PCDH11X: variants seen among roughly 807,000 people sequenced by gnomAD.
The protein encoded by PCDH11X is protocadherin-11 X-linked.
In PCDH11X, 18 loss-of-function variants were observed where a neutral mutation model predicts 53.3. That is an observed-to-expected ratio of 0.34 (90% CI 0.23 to 0.50). The LOEUF (loss-of-function observed/expected upper bound fraction) is 0.50, where lower values mean the gene tolerates loss of function less well. Ranked by LOEUF, PCDH11X falls within the 20% of genes least tolerant of loss-of-function variation. The pLI is 0.98. For synonymous variants in PCDH11X, 279 were observed against 393.3 expected, an observed-to-expected ratio of 0.71 and a Z score of 3.44; for missense variants, 570 against 1,032.4, an observed-to-expected ratio of 0.55 and a Z score of 6.14.
intron 10 of PCDH11X, among the ~76,000 whole-genome samples, chrX:92,507,484 C>T (rs1457993040): frequency 1.8e-5 from 2 of 110,782 alleles, no homozygotes; most frequent in Non-Finnish European, 3.8e-5. Context: ...CTACTGTCCT[C>T]GGTTGGGCTA....
At chrX:92,000,172 T>C (rs1225153183) in intron 6 of PCDH11X, among the ~76,000 whole-genome samples, 1 of 111,332 alleles carries the variant, frequency 9.0e-6, no homozygotes, top group Non-Finnish European at 1.9e-5. Flanking sequence ...TGAATGTTAT[T>C]ATGACTTTAG....
At chrX:92,194,339 T>C (rs1192487741) in intron 6 of PCDH11X, among the ~76,000 whole-genome samples, 1 of 111,993 alleles carries the variant, frequency 8.9e-6, no homozygotes, top group African/African-American at 3.2e-5. Flanking sequence ...AATATGAAAG[T>C]TCAGATTACC....
intron 10 of PCDH11X, among the ~76,000 whole-genome samples, chrX:92,560,387 C>A (rs1374021567): frequency 1.8e-5 from 2 of 112,356 alleles, no homozygotes; most frequent in African/African-American, 6.5e-5. Context: ...GCTGTGCTGG[C>A]TACATTGAAA....
At position 92,091,638 on chromosome X, in the gene PCDH11X, A is replaced by G. The variant is rs960735878; in HGVS notation, c.3034-109737A>G. On this transcript the variant is annotated intron_variant, in intron 6 of 10. Coordinates refer to ENST00000682573, the MANE Select transcript of PCDH11X (RefSeq NM_032968.5). ...TGGCTTGGTTCAGAAAGGTGGGACA[A>G]CTCAAAGTGGGGGCTTCCAGGCTAT... Among the ~76,000 whole-genome samples the G allele has an allele frequency of 2.7e-5, 3 of 111,010 alleles. 1 individual carries two copies. Among genetic ancestry groups the G allele is most frequent in the Non-Finnish European group, 5.7e-5 (3 of 52,989 alleles).
intron 8 of PCDH11X, among the ~76,000 whole-genome samples, chrX:92,361,296 G>GATCAGGTCTTT: frequency 9.1e-6 from 1 of 109,920 alleles, no homozygotes; most frequent in Non-Finnish European, 1.9e-5. Flanking sequence ...CTCTCCACAT[G>GATCAGGTCTTT]ATCAGGTCTT....
At chrX:92,382,314 G>T (rs1435883414) in intron 8 of PCDH11X, among the ~76,000 whole-genome samples, 3 of 111,180 alleles carry the variant, frequency 2.7e-5, no homozygotes, top group South Asian at 3.8e-4. Flanking sequence ...GGAAGATTGG[G>T]TTAGAGTGTA....
At chrX:92,117,991 G>A in intron 6 of PCDH11X, among the ~76,000 whole-genome samples, 1 of 111,571 alleles carries the variant, frequency 9.0e-6, no homozygotes, top group Non-Finnish European at 1.9e-5. Context: ...TCCATATGCA[G>A]AGAACACGGA....
At chrX:92,509,385 G>A (rs1177858254) in intron 10 of PCDH11X, among the ~76,000 whole-genome samples, 8 of 109,134 alleles carry the variant, frequency 7.3e-5, no homozygotes, top group Admixed American at 4.9e-4. Context: ...CAAATAAATT[G>A]TAACTCAAGA....
chrX:91,987,828 T>A (rs944041178), intron 6 of PCDH11X, among the ~76,000 whole-genome samples: 1 of 109,891 alleles, frequency 9.1e-6, no homozygotes, highest in Non-Finnish European at 1.9e-5. Flanking sequence ...AAAGACCCAA[T>A]GGTCTTTCAA....
intron 10 of PCDH11X, among the ~76,000 whole-genome samples, chrX:92,594,712 GA>G (rs750323560): frequency 9.2e-6 from 1 of 108,264 alleles, no homozygotes; most frequent in South Asian, 4.1e-4. Context: ...TAAAATAGAA[GA>G]AAGAACTTCC....
At chrX:92,325,286 C>T (rs1432245831) in intron 8 of PCDH11X, among the ~76,000 whole-genome samples, 2 of 110,708 alleles carry the variant, frequency 1.8e-5, no homozygotes, top group Non-Finnish European at 3.8e-5. Context: ...ACCTTATATT[C>T]TCTGATCTGC....
At chrX:92,459,960 G>A (rs185565533) in intron 9 of PCDH11X, 23,715 of 1,161,327 alleles carry the variant, frequency 0.02, 214 homozygotes, top group Non-Finnish European at 0.023. Context: ...ACAGAGTGAG[G>A]AGCCTGGAGA....
At chrX:92,094,145 G>T (rs1340940553) in intron 6 of PCDH11X, among the ~76,000 whole-genome samples, 1 of 94,449 alleles carries the variant, frequency 1.1e-5, no homozygotes, top group African/African-American at 4.4e-5. Context: ...GTGTGTGTGT[G>T]TGTGTGTGTG....
chrX:92,394,757 G>A (rs936884868), intron 9 of PCDH11X, among the ~76,000 whole-genome samples: 12 of 111,647 alleles, frequency 1.1e-4, no homozygotes, highest in Non-Finnish European at 1.9e-4. Context: ...AGTAGTGTTA[G>A]CCACACATCA....
At chrX:92,101,645 C>G (rs190972450) in intron 6 of PCDH11X, among the ~76,000 whole-genome samples, 3,680 of 109,816 alleles carry the variant, frequency 0.034, 192 homozygotes, top group African/African-American at 0.12. Flanking sequence ...GAAATGACTG[C>G]GGAGGCCTTC....
At chrX:91,901,210 TTGA>T (rs1348109474) in intron 6 of PCDH11X, among the ~76,000 whole-genome samples, 1 of 111,693 alleles carries the variant, frequency 9.0e-6, no homozygotes, top group African/African-American at 3.3e-5. Flanking sequence ...TAACAGGCAC[TTGA>T]TGAGCATTAT....
chrX:92,198,967 G>C (rs1358395515), intron 6 of PCDH11X, among the ~76,000 whole-genome samples: 2 of 111,293 alleles, frequency 1.8e-5, no homozygotes, highest in African/African-American at 6.5e-5. Context: ...GAAAATTACA[G>C]ATAATTTTTA....
At chrX:91,818,928 C>T (rs34644389) in intron 4 of PCDH11X, among the ~76,000 whole-genome samples, 1 of 111,676 alleles carries the variant, frequency 9.0e-6, no homozygotes, top group Admixed American at 9.6e-5. Flanking sequence ...TTTAAACATA[C>T]AAATAAAGCA....
intron 6 of PCDH11X, among the ~76,000 whole-genome samples, chrX:92,027,629 GTAGT>G (rs2062987837): frequency 9.5e-6 from 1 of 104,973 alleles, no homozygotes; most frequent in African/African-American, 3.5e-5. Flanking sequence ...ATTATGCTTA[GTAGT>G]TAGTCCATGC....
Sources: allele counts gnomAD v4.1 joint callset (sites outside exome capture counted in the v4.1 genomes callset), GRCh38; gene constraint gnomAD v4.1.1; transcripts MANE v1.5; gene names NCBI Gene and HGNC (gene_info 2026-07-23, HGNC 2026-07-21).